PARVB: variants seen among roughly 807,000 people sequenced by gnomAD.
The protein encoded by PARVB is parvin beta.
Under a neutral mutation model 47.0 loss-of-function variants are expected in PARVB, and 46 were observed. The ratio of observed to expected loss-of-function variants is 0.98; its 90% confidence interval spans 0.77 to 1.25. PARVB has a LOEUF of 1.25. Ranked by LOEUF, PARVB falls within the 50% of genes most tolerant of loss-of-function variation. The probability of loss-of-function intolerance (pLI) is 0.00; values close to 1 mark genes in which losing one functional copy is unlikely to be tolerated. For synonymous variants in PARVB, 196 were observed against 196.3 expected (o/e 1.00, Z 0.01); for missense variants, 473 against 471.6 (o/e 1.00, Z -0.03).
At chr22:44,151,458 C>A in intron 9 of PARVB, 25 bp from the exon 10 acceptor site, 1 of 1,601,100 alleles carries the variant, frequency 6.2e-7, no homozygotes, top group Non-Finnish European at 8.6e-7. Flanking sequence ...ATTCATGGCT[C>A]CTGTGTCTCT....
chr22:44,064,431 A>C (rs1569086531), intron 1 of PARVB, among the ~76,000 whole-genome samples: 2 of 152,170 alleles, frequency 1.3e-5, no homozygotes. Context: ...AGTTCCCCAG[A>C]GGCTGGGGTC....
chr22:44,154,591 A>C (rs1294410387), intron 10 of PARVB, among the ~76,000 whole-genome samples: 1 of 123,188 alleles, frequency 8.1e-6, no homozygotes, highest in East Asian at 2.6e-4. Context: ...TGTGTGGTTT[A>C]TGTAGTCTGG....
At chr22:44,031,145 G>A (rs2050819136) in intron 1 of PARVB, among the ~76,000 whole-genome samples, 1 of 152,174 alleles carries the variant, frequency 6.6e-6, no homozygotes, top group Non-Finnish European at 1.5e-5. Flanking sequence ...TTTGGGGATG[G>A]ACAGCTGTTG....
At chr22:44,024,665 C>T (rs1020312545) in intron 1 of PARVB, among the ~76,000 whole-genome samples, 1 of 152,068 alleles carries the variant, frequency 6.6e-6, no homozygotes, top group African/African-American at 2.4e-5. Flanking sequence ...CCTCCGGAGT[C>T]TGCCAAACGC....
chr22:44,081,662 G>T (rs2051903554), intron 1 of PARVB: 2 of 980,336 alleles, frequency 2.0e-6, no homozygotes, highest in Non-Finnish European at 1.2e-6. Flanking sequence ...CATGGGGCTC[G>T]TCTGTTGCTG....
At chr22:44,127,359 A>G (rs1282117334) in intron 4 of PARVB, among the ~76,000 whole-genome samples, 1 of 152,220 alleles carries the variant, frequency 6.6e-6, no homozygotes, top group Non-Finnish European at 1.5e-5. Context: ...CACTGAAATG[A>G]CATAATATAC....
chr22:44,160,663 T>G (rs556871469), intron 11 of PARVB, among the ~76,000 whole-genome samples: 1 of 152,270 alleles, frequency 6.6e-6, no homozygotes, highest in East Asian at 1.9e-4. Context: ...CCTTGAGAGA[T>G]AACAGGCATG....
chr22:44,026,272 A>C (rs946923674), intron 1 of PARVB: 1 of 978,350 alleles, frequency 1.0e-6, no homozygotes, highest in African/African-American at 1.8e-5. Flanking sequence ...ATTCAAATGC[A>C]CCAAGAATTC....
rs115289794 is a variant in PARVB, at chr22:44,101,982, A to G, written c.273+1859A>G. ...GCATGAGAATTATCAGGCTTCTACA[A>G]AGAAACAGACCCAATTGTGTCAATA... On this transcript the variant is annotated intron_variant, in intron 3 of 12. Coordinates refer to ENST00000338758, the MANE Select transcript of PARVB (RefSeq NM_013327.5). Among the ~76,000 whole-genome samples, 713 of 152,304 alleles carry G rather than the reference A, an allele frequency of 4.7e-3. 4 individuals carry two copies. Among genetic ancestry groups the G allele is most frequent in the African/African-American group, 0.015 (641 of 41,558 alleles).
chr22:44,166,190 A>G (rs1449091577), intron 12 of PARVB, among the ~76,000 whole-genome samples: 1 of 152,042 alleles, frequency 6.6e-6, no homozygotes, highest in Non-Finnish European at 1.5e-5. Flanking sequence ...GCTCACTGCA[A>G]TCTCCGCCTC....
At chr22:44,107,039 C>T (rs1055710201) in intron 3 of PARVB, 3 of 152,226 alleles carry the variant, frequency 2.0e-5, no homozygotes, top group African/African-American at 4.8e-5. Flanking sequence ...TTAGATCATA[C>T]ACTTGATCAC....
At chr22:44,111,656 C>T (rs1450670345) in intron 3 of PARVB, 1 of 151,566 alleles carries the variant, frequency 6.6e-6, no homozygotes, top group Non-Finnish European at 1.5e-5. Context: ...TTTTGTTGCC[C>T]AGGGTAGTCT....
At chr22:44,158,722 G>A (rs907324541) in intron 11 of PARVB, among the ~76,000 whole-genome samples, 31 of 152,226 alleles carry the variant, frequency 2.0e-4, no homozygotes, top group African/African-American at 7.5e-4. Context: ...CCTGCTGTCT[G>A]CCCTCTGTCC....
intron 8 of PARVB, chr22:44,145,885 A>G (rs2053653422): frequency 6.7e-6 from 1 of 149,328 alleles, no homozygotes; most frequent in Non-Finnish European, 1.5e-5. Context: ...ATTGCTTTGT[A>G]AAGATGTAAA....
intron 1 of PARVB, among the ~76,000 whole-genome samples, chr22:44,078,735 A>G (rs2051832237): frequency 6.6e-6 from 1 of 151,922 alleles, no homozygotes. Context: ...TTGAGTATTT[A>G]TTTATTTAAG....
At chr22:44,088,527 A>C in intron 1 of PARVB, among the ~76,000 whole-genome samples, 1 of 152,172 alleles carries the variant, frequency 6.6e-6, no homozygotes, top group East Asian at 1.9e-4. Context: ...GCTGGAGTGA[A>C]GTGGCACAAC....
At chr22:44,161,782 C>T (rs543924161) in intron 11 of PARVB, among the ~76,000 whole-genome samples, 1 of 152,340 alleles carries the variant, frequency 6.6e-6, no homozygotes, top group East Asian at 1.9e-4. Flanking sequence ...TCGCTCCCTG[C>T]TCTCTCCTTA....
At chr22:44,024,860 C>T (rs563794461) in intron 1 of PARVB, among the ~76,000 whole-genome samples, 26 of 152,236 alleles carry the variant, frequency 1.7e-4, no homozygotes, top group African/African-American at 6.3e-4. Context: ...GCCTGGGGGA[C>T]CCACTACTGG....
At chr22:44,006,634 A>G (rs1291800803) in intron 2 of PARVB, among the ~76,000 whole-genome samples, 1 of 152,126 alleles carries the variant, frequency 6.6e-6, no homozygotes, top group Non-Finnish European at 1.5e-5. Flanking sequence ...GGAAAAGAAA[A>G]AAAGAAAAAG....
Sources: gnomAD v4.1 joint callset for allele counts (sites outside exome capture counted in the v4.1 genomes callset) on GRCh38, gnomAD v4.1.1 for gene constraint, MANE v1.5 for transcripts, NCBI Gene and HGNC (gene_info 2026-07-23, HGNC 2026-07-21) for gene names.